PAXIP1: variants seen among roughly 807,000 people sequenced by gnomAD.
PAXIP1 encodes PAX-interacting protein 1.
PAXIP1 carries 19 observed loss-of-function variants against 140.6 expected under a neutral mutation model. That is an observed-to-expected ratio of 0.14 (90% confidence interval 0.09 to 0.20). The LOEUF (loss-of-function observed/expected upper bound fraction) is 0.20. Ranked by LOEUF, PAXIP1 falls within the 10% of genes least tolerant of loss-of-function variation. PAXIP1 has a pLI of 1.00. For synonymous variants in PAXIP1, 442 were observed against 444.6 expected, an observed-to-expected ratio of 0.99 and a Z score of 0.07; for missense variants, 920 against 1,208.6, an observed-to-expected ratio of 0.76 and a Z score of 3.54.
Position 154,946,439 on chromosome 7 carries a change from A to T in PAXIP1, c.3134-14T>A. The T allele has an allele frequency of 6.2e-7, 1 of 1,613,030 alleles. No homozygotes were observed. Among genetic ancestry groups the T allele is most frequent in the South Asian group, 1.1e-5 (1 of 91,072 alleles). ...CATTGTGAACATCTGAACAGGGTGGAAACAGACACTTTAGTTAGAGATCCA... is the reference window on the plus strand; with the variant it reads ...CATTGTGAACATCTGAACAGGGTGGTAACAGACACTTTAGTTAGAGATCCA... On this transcript the variant is annotated splice_polypyrimidine_tract_variant and intron_variant, in intron 19 of 20. Transcript: ENST00000404141. The surrounding 1 kb of genome is among the most constrained non-coding windows in gnomAD (Gnocchi z 4.9).
intron 2 of PAXIP1, among the ~76,000 whole-genome samples, chr7:154,994,030 C>T (rs1200630593): frequency 6.6e-6 from 1 of 152,136 alleles, no homozygotes; most frequent in African/African-American, 2.4e-5. Context: ...GGTTTACACA[C>T]TTATTACTGC....
intron 3 of PAXIP1, 39 bp downstream of exon 3, chr7:154,993,686 GT>G (rs1269579215): frequency 6.7e-7 from 1 of 1,492,904 alleles, no homozygotes; most frequent in Admixed American, 1.9e-5. Flanking sequence ...TAAACCCAGA[GT>G]TACCCTTTCC....
At chr7:154,976,651 A>G (rs1809596103) in intron 5 of PAXIP1, among the ~76,000 whole-genome samples, 1 of 152,232 alleles carries the variant, frequency 6.6e-6, no homozygotes, top group African/African-American at 2.4e-5. Context: ...AAAATTATGA[A>G]ATGAATAATT....
At chr7:155,002,386 C>T (rs1810952668) in intron 1 of PAXIP1, among the ~76,000 whole-genome samples, 1 of 152,218 alleles carries the variant, frequency 6.6e-6, no homozygotes, top group South Asian at 2.1e-4. Flanking sequence ...CGACCCCCGC[C>T]GGCCGAGCGA....
At chr7:154,947,805 C>A (rs996592651) in intron 17 of PAXIP1, 98 bp downstream of exon 17, 1 of 871,610 alleles carries the variant, frequency 1.1e-6, no homozygotes, top group Non-Finnish European at 2.0e-6. Flanking sequence ...CCCAGCTCCC[C>A]TGGAGGCGCA....
intron 6 of PAXIP1, among the ~76,000 whole-genome samples, 175 bp downstream of exon 6, chr7:154,975,521 C>T (rs368271155): frequency 2.3e-5 from 1 of 43,468 alleles, no homozygotes; most frequent in African/African-American, 8.2e-5. Context: ...CATATATACA[C>T]ATACACACAC....
intron 5 of PAXIP1, among the ~76,000 whole-genome samples, chr7:154,980,177 T>C (rs1366706121): frequency 6.6e-6 from 1 of 152,168 alleles, no homozygotes; most frequent in East Asian, 1.9e-4. Context: ...ATGTACTTAA[T>C]TTTCCAGAAA....
intron 1 of PAXIP1, chr7:155,001,018 C>T (rs1289034912): frequency 6.6e-6 from 1 of 152,268 alleles, no homozygotes; most frequent in African/African-American, 2.4e-5. Context: ...GGGCAGGTAC[C>T]ATGTCCTCTT....
In PAXIP1 at chr7:154,977,059, G is replaced by A. The variant is rs555041607; in HGVS notation, c.439-728C>T. 2.3e-3 allele frequency among the ~76,000 whole-genome samples: 357 copies of A among 152,292 alleles called. 1 individual carries two copies. The highest frequency in any genetic ancestry group is 6.8e-3 in the Middle Eastern group (2 of 294). The stretch of plus-strand genomic sequence containing the variant: ...CGTTGAAAGGTGAGCTTTGGCTGGG[G>A]CACAAATGATGACAATTTGCACAGT... On this transcript the variant is annotated intron_variant, in intron 5 of 20. Transcript: ENST00000404141.
At chr7:154,947,789 G>GC in intron 17 of PAXIP1, 114 bp downstream of exon 17, 1 of 778,514 alleles carries the variant, frequency 1.3e-6, no homozygotes, top group African/African-American at 1.7e-5. Flanking sequence ...TGGGATGCAG[G>GC]GTGAGCCCAG....
chr7:154,977,700 C>T (rs1198256622), intron 5 of PAXIP1, among the ~76,000 whole-genome samples: 1 of 152,052 alleles, frequency 6.6e-6, no homozygotes, highest in East Asian at 1.9e-4. Flanking sequence ...GAAAGGACCA[C>T]GATTAACATT....
intron 17 of PAXIP1, 35 bp downstream of exon 17, chr7:154,947,868 T>A (rs1353796534): frequency 7.0e-7 from 1 of 1,435,192 alleles, no homozygotes. Context: ...GTGTTATGCT[T>A]ACTTGGACTG....
At chr7:154,944,316 T>C in intron 20 of PAXIP1, 152 bp from the exon 21 acceptor site, 1 of 600,918 alleles carries the variant, frequency 1.7e-6, no homozygotes, top group Admixed American at 3.1e-5. Flanking sequence ...CTCTGCTGCA[T>C]ACCCACATCA....
intron 6 of PAXIP1, among the ~76,000 whole-genome samples, chr7:154,975,477 C>T (rs1349800845): frequency 2.0e-5 from 3 of 151,924 alleles, no homozygotes; most frequent in Admixed American, 2.0e-4. Flanking sequence ...ACTTAAAATA[C>T]GCTGTTACCC....
chr7:154,988,714 TG>T (rs1460701554), intron 4 of PAXIP1, among the ~76,000 whole-genome samples: 1 of 152,238 alleles, frequency 6.6e-6, no homozygotes, highest in Non-Finnish European at 1.5e-5. Context: ...AAACTCAGCG[TG>T]GCCCTTCGTC....
rs115290459 is a variant in PAXIP1 at position 154,997,560 on chromosome 7, T to C, written c.216+1090A>G. On this transcript the variant is annotated intron_variant, in intron 2 of 20. Coordinates refer to ENST00000404141, the MANE Select transcript of PAXIP1 (RefSeq NM_007349.4). ...GAACTATTTTAAAACAAATACTTCA[T>C]AGGGAAGATCTGAAATAAAATCGAA... Among the ~76,000 whole-genome samples, 493 of 152,346 alleles carry C rather than the reference T, an allele frequency of 3.2e-3. 1 individual carries two copies. The highest frequency in any genetic ancestry group is 0.011 in the African/African-American group (461 of 41,566).
In PAXIP1 at chr7:154,968,818, A is replaced by T; in HGVS notation, c.1383T>A (p.His461Gln). Residue 461 changes from histidine to glutamine, a missense_variant, in exon 7 of 21, where the codon CAT (histidine) becomes CAA (glutamine). Physicochemically the swap from His to Gln is conservative, Grantham distance 24 (BLOSUM62 0). Transcript: ENST00000404141. The stretch of plus-strand genomic sequence containing the variant: ...ACTGTAGCTGTTGCTGTGAAAACTG[A>T]TGCGGATGGGCTTGCTGCTGCTGCT... ...QQQQQQQAHP[H>Q]QFSQQQLQFP... The T allele has an allele frequency of 1.4e-6, 1 of 731,004 alleles. No homozygotes were observed. Among genetic ancestry groups the T allele is most frequent in the Non-Finnish European group, 2.5e-6 (1 of 398,348 alleles). The allele number at this position is 731,004 out of a possible 1,614,324, so 45.3% of individuals were successfully genotyped here.
chr7:154,991,570 A>C (rs983705138), intron 3 of PAXIP1, among the ~76,000 whole-genome samples: 2 of 152,250 alleles, frequency 1.3e-5, no homozygotes, highest in Non-Finnish European at 2.9e-5. Context: ...GAACTTAGGC[A>C]AGACAACTGT....
In PAXIP1 at chr7:154,963,986, G is replaced by A; in HGVS notation, c.1894-220C>T. 1 of 522,108 alleles carries A rather than the reference G, an allele frequency of 1.9e-6. No individual in the cohort carries two copies. The highest frequency in any genetic ancestry group is 3.5e-6 in the Non-Finnish European group (1 of 287,954). 32.3% of individuals were successfully genotyped at this position (522,108 alleles called of 1,614,324 possible). A position where few individuals can be genotyped will look rare whatever the true frequency, so the allele number is the denominator to read the frequency against. ...ACTCTAAATTTAATCTGAATTCCCA[G>A]GATACAAGAGAAGAACAATGGAATG... On this transcript the variant is annotated intron_variant, in intron 8 of 20. Coordinates refer to ENST00000404141, the MANE Select transcript of PAXIP1 (RefSeq NM_007349.4). This position sits in a 1 kb window ranked among gnomAD's most constrained non-coding sequence, Gnocchi z 4.1.
Sources: gnomAD v4.1 joint callset for allele counts (sites outside exome capture counted in the v4.1 genomes callset) on GRCh38, gnomAD v4.1.1 for gene constraint, Gnocchi (gnomAD v3.1) non-coding constraint, MANE v1.5 for transcripts, NCBI Gene and HGNC (gene_info 2026-07-23, HGNC 2026-07-21) for gene names.